The following PPP1R11 variants were observed in gnomAD, a reference collection of about 807,000 sequenced individuals.
The protein encoded by PPP1R11 is E3 ubiquitin-protein ligase PPP1R11.
In PPP1R11, 10 loss-of-function variants were observed where a neutral mutation model predicts 11.3. The observed-to-expected ratio is 0.88, with a 90% CI of 0.55 to 1.50. PPP1R11 has a LOEUF of 1.50. PPP1R11 is among the 40% of genes most tolerant of loss of function. The pLI is 0.00. For missense variants in PPP1R11, 114 were observed against 179.1 expected (o/e 0.64, Z 2.07); for synonymous variants, 56 against 62.3 (o/e 0.90, Z 0.48).
At chr6:30,068,440 C>A in intron 1 of PPP1R11, 150 bp from the exon 2 acceptor site, 1 of 574,090 alleles carries the variant, frequency 1.7e-6, no homozygotes, top group African/African-American at 1.9e-5. Context: ...GGTAAAAGAC[C>A]TGTTCTGTTT....
At position 30,069,582 on chromosome 6, in the gene PPP1R11, G is replaced by A. The variant is rs1765779339; in HGVS notation, c.*276G>A. On this transcript the variant is annotated 3_prime_UTR_variant, in exon 3 of 3. Transcript: ENST00000376772. This position sits in a 1 kb window ranked among gnomAD's most constrained non-coding sequence, Gnocchi z 6.6. ...TTCCTTTTGTTCTCACTGCCAAACT[G>A]CCTGTCCTGGGATCTAGTTATCTTG... 7.5e-6 allele frequency: 3 copies of A among 398,760 alleles called. No homozygotes were observed. In the East Asian group the frequency reaches 1.1e-4, roughly 15 times the overall value. 24.7% of individuals were successfully genotyped at this position (398,760 alleles called of 1,614,324 possible).
At chr6:30,066,567 G>A (rs1470669114), upstream of PPP1R11, 1 of 136,864 alleles carries the variant, frequency 7.3e-6, no homozygotes, top group African/African-American at 2.7e-5. Flanking sequence ...TCATATTTTT[G>A]TTAGTTTTCA....
upstream of PPP1R11, chr6:30,064,756 G>T: frequency 6.7e-7 from 1 of 1,483,696 alleles, no homozygotes; most frequent in South Asian, 1.2e-5. Flanking sequence ...AGGATACTGG[G>T]TTTTTAGATG....
chr6:30,061,848 G>T, upstream of PPP1R11: 1 of 1,579,852 alleles, frequency 6.3e-7, no homozygotes, highest in Non-Finnish European at 8.7e-7. The surrounding 1 kb of genome is among the most constrained non-coding windows in gnomAD (Gnocchi z 5.0). Context: ...CCAGCCAGGG[G>T]AAAGGGGAGG....
rs1390467711 is a variant in PPP1R11 at position 30,068,755 on chromosome 6, T to G, written c.178+57T>G. On this transcript the variant is annotated intron_variant, in intron 2 of 2. Coordinates refer to ENST00000376772, the MANE Select transcript of PPP1R11 (RefSeq NM_021959.3). The stretch of plus-strand genomic sequence containing the variant: ...AGTTCTGGCTCCCTTCAGCATATCT[T>G]GTATCTACTCATATCCACTGGCTTT... 2.8e-6 allele frequency: 4 copies of G among 1,449,720 alleles called. No homozygotes were observed. The African/African-American group carries it at 4.2e-5, about 15-fold the overall frequency. The allele number at this position is 1,449,720 out of a possible 1,614,324, so 89.8% of individuals were successfully genotyped here.
At chr6:30,063,088 T>C (rs1284275444), upstream of PPP1R11, among the ~76,000 whole-genome samples, 1 of 152,164 alleles carries the variant, frequency 6.6e-6, no homozygotes, top group Non-Finnish European at 1.5e-5. This position sits in a 1 kb window ranked among gnomAD's most constrained non-coding sequence, Gnocchi z 4.1. Context: ...CTATAGTATA[T>C]CAAAATACGA....
At position 30,067,486 on chromosome 6, in the gene PPP1R11, A is replaced by C. The variant is rs1473497497; in HGVS notation, c.69+7A>C. ...TACCGTGACAACCGAGCCCGTGAGA[A>C]AGGCGGGGGGGCGGTGCTGTTTAGG... On this transcript the variant is annotated splice_region_variant and intron_variant, in intron 1 of 2. Transcript: ENST00000376772. 2 of 1,613,340 alleles carry C rather than the reference A, an allele frequency of 1.2e-6. No homozygotes were observed. Among genetic ancestry groups the C allele is most frequent in the African/African-American group, 1.3e-5 (1 of 74,882 alleles).
chr6:30,062,138 C>T, upstream of PPP1R11: 3 of 1,448,290 alleles, frequency 2.1e-6, no homozygotes, highest in Non-Finnish European at 1.9e-6. Flanking sequence ...TGTAAACCAT[C>T]GACGTTTGAG....
chr6:30,062,714 C>CCT (rs749507630), upstream of PPP1R11, among the ~76,000 whole-genome samples: 61 of 42,394 alleles, frequency 1.4e-3, no homozygotes, highest in African/African-American at 4.2e-3. Context: ...CCACGCCTGG[C>CCT]TTTTTTTTTT....
rs768836159 is a variant in PPP1R11, at chr6:30,067,496, G to A, written c.69+17G>A. The A allele has an allele frequency of 8.1e-6, 13 of 1,612,122 alleles. No homozygotes were observed. The highest frequency in any genetic ancestry group is 4.4e-5 in the South Asian group (4 of 91,044). ...ACCGAGCCCGTGAGAAAGGCGGGGG[G>A]GCGGTGCTGTTTAGGGGTCTGGGAG... On this transcript the variant is annotated intron_variant, in intron 1 of 2. Transcript: ENST00000376772.
intron 1 of PPP1R11, among the ~76,000 whole-genome samples, chr6:30,067,990 A>G (rs138904567): frequency 5.3e-5 from 8 of 152,362 alleles, no homozygotes; most frequent in Non-Finnish European, 8.8e-5. Flanking sequence ...AGAAGTATTT[A>G]TCCAAAAACA....
At chr6:30,062,105 C>T, upstream of PPP1R11, 2 of 1,468,782 alleles carry the variant, frequency 1.4e-6, no homozygotes, top group South Asian at 2.3e-5. Flanking sequence ...AGTTTTGTGC[C>T]CAATTCCAAG....
In PPP1R11 at chr6:30,069,362, G is replaced by A; in HGVS notation, c.*56G>A. The A allele has an allele frequency of 2.2e-6, 3 of 1,355,050 alleles. No individual in the cohort carries two copies. The highest frequency in any genetic ancestry group is 3.0e-6 in the Non-Finnish European group (3 of 991,814). 83.9% of individuals were successfully genotyped at this position (1,355,050 alleles called of 1,614,324 possible). A position where few individuals can be genotyped will look rare whatever the true frequency, so the allele number is the denominator to read the frequency against. On this transcript the variant is annotated 3_prime_UTR_variant, in exon 3 of 3. Coordinates refer to ENST00000376772, the MANE Select transcript of PPP1R11 (RefSeq NM_021959.3). This position sits in a 1 kb window ranked among gnomAD's most constrained non-coding sequence, Gnocchi z 6.6. ...GTCTGGCCCTAAATGTATCCATGTGGCTACTTCTCCAGCCCCCTCCTTCCC... is the reference window on the plus strand; with the variant it reads ...GTCTGGCCCTAAATGTATCCATGTGACTACTTCTCCAGCCCCCTCCTTCCC...
chr6:30,068,759 T>C (rs1765718318), intron 2 of PPP1R11, 61 bp downstream of exon 2: 1 of 1,414,374 alleles, frequency 7.1e-7, no homozygotes, highest in Non-Finnish European at 9.9e-7. Flanking sequence ...ATATCTTGTA[T>C]CTACTCATAT....
At chr6:30,065,727 GAA>G (rs1765467715), upstream of PPP1R11, among the ~76,000 whole-genome samples, 1 of 151,816 alleles carries the variant, frequency 6.6e-6, no homozygotes, top group Admixed American at 6.6e-5. The surrounding 1 kb of genome is among the most constrained non-coding windows in gnomAD (Gnocchi z 5.3). Flanking sequence ...AAGTCACAAG[GAA>G]TCCTACTCCA....
At position 30,069,131 on chromosome 6, in the gene PPP1R11, C is replaced by A. The variant is rs1385888691; in HGVS notation, c.206C>A (p.Ala69Asp). The change falls in exon 3 of 3, where the codon GCC becomes GAC. Residue 69 changes from alanine (A) to aspartate (D), a missense_variant. Ala to Asp is a moderately radical substitution (Grantham distance 126). Transcript: ENST00000376772. The surrounding 1 kb of genome is among the most constrained non-coding windows in gnomAD (Gnocchi z 6.6). ...TGCTGTATTTATGAGAAACCTCGGG[C>A]CTTTGGCGAGAGCTCCACGGAAAGT... The part of the protein sequence containing the change: ...KCCCIYEKPR[A>D]FGESSTESDE... The A allele has an allele frequency of 2.5e-6, 4 of 1,611,764 alleles. No individual in the cohort carries two copies. Among genetic ancestry groups the A allele is most frequent in the Non-Finnish European group, 3.4e-6 (4 of 1,179,140 alleles).
chr6:30,062,184 G>A (rs373543360), upstream of PPP1R11: 2 of 1,532,158 alleles, frequency 1.3e-6, no homozygotes, highest in African/African-American at 2.7e-5. Flanking sequence ...GAAGTAAGGG[G>A]ATATGACCAG....
chr6:30,062,906 A>T (rs1254736173), upstream of PPP1R11, among the ~76,000 whole-genome samples: 4 of 151,194 alleles, frequency 2.6e-5, 1 homozygote, highest in Non-Finnish European at 5.9e-5. Context: ...ATGAAGAAAA[A>T]AAAAACAACA....
the PPP1R11 span, chr6:30,061,322 G>A: frequency 1.9e-6 from 1 of 534,302 alleles, no homozygotes. This position sits in a 1 kb window ranked among gnomAD's most constrained non-coding sequence, Gnocchi z 5.0. Context: ...CCCTGGAAAG[G>A]GTTCCAAGTC....
Sources: gnomAD v4.1 joint callset for allele counts (sites outside exome capture counted in the v4.1 genomes callset) on GRCh38, gnomAD v4.1.1 for gene constraint, Gnocchi (gnomAD v3.1) non-coding constraint, MANE v1.5 for transcripts, NCBI Gene and HGNC (gene_info 2026-07-23, HGNC 2026-07-21) for gene names.